PKNOX1: variants seen among roughly 807,000 people sequenced by gnomAD.
PKNOX1 encodes the protein homeobox protein PKNOX1.
In PKNOX1, 15 loss-of-function variants were observed where a neutral mutation model predicts 51.9. The ratio of observed to expected loss-of-function variants is 0.29; its 90% confidence interval spans 0.19 to 0.45. The LOEUF is 0.45. PKNOX1 is among the 20% of genes least tolerant of loss of function. The pLI, the probability that PKNOX1 is intolerant of heterozygous loss-of-function variation, is 1.00. For missense variants in PKNOX1, 462 were observed against 547.5 expected, an observed-to-expected ratio of 0.84 and a Z score of 1.56; for synonymous variants, 219 against 211.1, an observed-to-expected ratio of 1.04 and a Z score of -0.32.
chr21:42,988,371 C>G (rs1425050607), intron 1 of PKNOX1, among the ~76,000 whole-genome samples: 1 of 152,088 alleles, frequency 6.6e-6, no homozygotes, highest in Admixed American at 6.6e-5. Context: ...TTACTTGGAC[C>G]AAATCAAAGT....
At chr21:43,028,028 C>T (rs1311045629) in intron 9 of PKNOX1, among the ~76,000 whole-genome samples, 1 of 152,224 alleles carries the variant, frequency 6.6e-6, no homozygotes, top group Non-Finnish European at 1.5e-5. Flanking sequence ...GAGTCGCCAG[C>T]GTCTGTCGGG....
intron 1 of PKNOX1, among the ~76,000 whole-genome samples, chr21:43,000,312 G>A (rs899805218): frequency 6.6e-6 from 1 of 152,132 alleles, no homozygotes; most frequent in African/African-American, 2.4e-5. Flanking sequence ...ACCCAAGACT[G>A]GGCAGTTTTC....
chr21:43,030,164 T>C lies in PKNOX1; in HGVS notation c.*63T>C. Reference sequence around the variant, plus strand: ...ACAGCAAACATTTTACACAGTTTTATTTCTAATATGTTTTATATGTAGATA... The same window carrying C: ...ACAGCAAACATTTTACACAGTTTTACTTCTAATATGTTTTATATGTAGATA... On this transcript the variant is annotated 3_prime_UTR_variant, in exon 11 of 11. Transcript: ENST00000291547. 8.1e-7 allele frequency: 1 copy of C among 1,241,584 alleles called. No individual in the cohort carries two copies. Among genetic ancestry groups the C allele is most frequent in the Non-Finnish European group, 1.1e-6 (1 of 892,498 alleles). 76.9% of individuals were successfully genotyped at this position (1,241,584 alleles called of 1,614,324 possible). A position where few individuals can be genotyped will look rare whatever the true frequency, so the allele number is the denominator to read the frequency against.
chr21:43,004,410 A>G lies in PKNOX1; in HGVS notation c.29A>G (p.Asp10Gly), dbSNP rs774604053. ...ATGGCTACACAGACATTAAGTATAGACAGCTATCAAGATGGGCAACAGGTG... is the reference window on the plus strand; with the variant it reads ...ATGGCTACACAGACATTAAGTATAGGCAGCTATCAAGATGGGCAACAGGTG... MMATQTLSI[D>G]SYQDGQQMQV... is the part of the protein sequence containing the mutation. Residue 10 changes from aspartate (D) to glycine (G), a missense_variant, in exon 2 of 11, where the codon GAC becomes GGC. Physicochemically the swap from Asp to Gly is moderately conservative, Grantham distance 94. This residue lies in a region of PKNOX1 where 129 missense variants were observed against 133.4 expected (regional missense o/e 0.97). Coordinates refer to ENST00000291547, the MANE Select transcript of PKNOX1 (RefSeq NM_004571.5). The G allele has an allele frequency of 6.2e-7, 1 of 1,609,324 alleles. No individual in the cohort carries two copies. Among genetic ancestry groups the G allele is most frequent in the Non-Finnish European group, 8.5e-7 (1 of 1,175,696 alleles).
At position 43,004,331 on chromosome 21, in the gene PKNOX1, A is replaced by G. The variant is rs1410054762; in HGVS notation, c.-51A>G. 3 of 1,236,958 alleles carry G rather than the reference A, an allele frequency of 2.4e-6. No individual in the cohort carries two copies. Among genetic ancestry groups the G allele is most frequent in the Non-Finnish European group, 3.6e-6 (3 of 836,732 alleles). The allele number at this position is 1,236,958 out of a possible 1,614,324, so 76.6% of individuals were successfully genotyped here. The stretch of plus-strand genomic sequence containing the variant: ...TTTCTGGTTTTGTTCTCCAGACACC[A>G]TTCGCTTTTCACCCAAGATGATTTG... On this transcript the variant is annotated 5_prime_UTR_variant, in exon 2 of 11. Coordinates refer to ENST00000291547, the MANE Select transcript of PKNOX1 (RefSeq NM_004571.5).
chr21:43,012,602 A>G (rs1201044898), intron 4 of PKNOX1, among the ~76,000 whole-genome samples: 1 of 152,252 alleles, frequency 6.6e-6, no homozygotes, highest in Non-Finnish European at 1.5e-5. Flanking sequence ...TATAACTTTT[A>G]GAAAAATCGC....
intron 8 of PKNOX1, 74 bp from the exon 9 acceptor site, chr21:43,024,797 C>T (rs1358914873): frequency 2.2e-6 from 2 of 911,034 alleles, no homozygotes; most frequent in Non-Finnish European, 3.6e-6. Context: ...ATGTAATGCT[C>T]ACATTTTGCC....
At chr21:42,975,315 C>A (rs532831662) in intron 1 of PKNOX1, among the ~76,000 whole-genome samples, 1 of 150,116 alleles carries the variant, frequency 6.7e-6, no homozygotes, top group Non-Finnish European at 1.5e-5. Flanking sequence ...TGATGGGGCT[C>A]GTGGCCCTCA....
At chr21:42,987,409 A>ATATATATATATATATC (rs2059059446) in intron 1 of PKNOX1, among the ~76,000 whole-genome samples, 1 of 113,280 alleles carries the variant, frequency 8.8e-6, no homozygotes, top group Non-Finnish European at 2.0e-5. Context: ...AAAAAAATAT[A>ATATATATATATATATC]TATATATATA....
rs1237982428 is a variant in PKNOX1, at chr21:43,011,368, G to A, written c.351+1144G>A. Among the ~76,000 whole-genome samples, 4 of 152,056 alleles carry A rather than the reference G, an allele frequency of 2.6e-5. No individual in the cohort carries two copies. In the East Asian group the frequency reaches 7.7e-4, roughly 29 times the overall value. ...ACAGGTGTGAGCCACCACGCCCGGC[G>A]ACAGCTCTGTCTTGAGGCTGACAGT... is the stretch of plus-strand genomic sequence containing the variant. On this transcript the variant is annotated intron_variant, in intron 4 of 10. Transcript: ENST00000291547.
At chr21:43,012,429 G>A (rs527612093) in intron 4 of PKNOX1, among the ~76,000 whole-genome samples, 4 of 152,148 alleles carry the variant, frequency 2.6e-5, no homozygotes, top group Admixed American at 1.3e-4. Context: ...GCATGGTGGT[G>A]CACACCTGTA....
At chr21:43,007,191 T>C (rs961794983) in intron 2 of PKNOX1, among the ~76,000 whole-genome samples, 3 of 152,234 alleles carry the variant, frequency 2.0e-5, no homozygotes, top group African/African-American at 7.2e-5. Flanking sequence ...GATATAGCAA[T>C]AGACGGAGGA....
intron 9 of PKNOX1, among the ~76,000 whole-genome samples, chr21:43,026,345 T>A (rs234721): frequency 0.24 from 37,010 of 152,204 alleles, 4,855 homozygotes; most frequent in Non-Finnish European, 0.29. Context: ...GTAGCTACTT[T>A]TACTTTTTGT....
At chr21:42,985,874 G>C (rs1208678880) in intron 1 of PKNOX1, among the ~76,000 whole-genome samples, 1 of 151,802 alleles carries the variant, frequency 6.6e-6, no homozygotes, top group Non-Finnish European at 1.5e-5. Flanking sequence ...GGTGGCGGGT[G>C]CCTATAATTC....
chr21:42,989,709 G>GC (rs2059075839), intron 1 of PKNOX1, among the ~76,000 whole-genome samples: 3 of 152,026 alleles, frequency 2.0e-5, no homozygotes, highest in African/African-American at 7.2e-5. Context: ...GTGAGCCACC[G>GC]CCCCCAGCCA....
intron 1 of PKNOX1, among the ~76,000 whole-genome samples, chr21:42,975,762 C>G (rs2058993326): frequency 1.3e-5 from 2 of 152,234 alleles, no homozygotes; most frequent in Admixed American, 1.3e-4. Flanking sequence ...GGTGTTCCAC[C>G]TGTGTGTGGG....
chr21:43,023,927 T>A (rs897025830), intron 8 of PKNOX1, among the ~76,000 whole-genome samples: 1 of 151,714 alleles, frequency 6.6e-6, no homozygotes, highest in African/African-American at 2.4e-5. Context: ...TTTTTTTTTT[T>A]TTTTCCCAGA....
In PKNOX1 at chr21:43,026,906, A is replaced by G. The variant is rs3788043; in HGVS notation, c.927-1796A>G. On this transcript the variant is annotated intron_variant, in intron 9 of 10. Transcript: ENST00000291547. ...ATGGCGGGATCCGATCTGCTTCATT[A>G]TTATTAGACTGTGTGCTAATATAAT... Among the ~76,000 whole-genome samples the G allele has an allele frequency of 6.2e-4, 95 of 152,338 alleles. 1 individual carries two copies. In the East Asian group the frequency reaches 0.015, roughly 24 times the overall value.
chr21:42,997,735 C>G (rs1014302983), intron 1 of PKNOX1, among the ~76,000 whole-genome samples: 2 of 152,166 alleles, frequency 1.3e-5, no homozygotes, highest in African/African-American at 4.8e-5. Context: ...GGAAGGCTTT[C>G]TGGAGAAGGT....
Sources: gnomAD v4.1 joint callset for allele counts (sites outside exome capture counted in the v4.1 genomes callset) on GRCh38, gnomAD v4.1.1 for gene constraint, gnomAD v4.1.1 regional missense constraint, MANE v1.5 for transcripts, NCBI Gene and HGNC (gene_info 2026-07-23, HGNC 2026-07-21) for gene names.